Variants in ELF5 observed in about 807,000 individuals in gnomAD.
The protein encoded by ELF5 is E74 like ETS transcription factor 5.
Under a neutral mutation model 38.2 loss-of-function variants are expected in ELF5, and 31 were observed. The ratio of observed to expected loss-of-function variants is 0.81; its 90% CI spans 0.61 to 1.10. The LOEUF is 1.10. Ranked by LOEUF, ELF5 falls within the 50% of genes least tolerant of loss-of-function variation. The pLI is 0.00. For synonymous variants in ELF5, 121 were observed against 112.5 expected (o/e 1.08, Z -0.48); for missense variants, 300 against 306.6 (o/e 0.98, Z 0.16).
At position 34,487,147 on chromosome 11, in the gene ELF5, A is replaced by C. The variant is rs567734113; in HGVS notation, c.406+2862T>G. ...ATCATCAGGGTTGGGGGAGAGCCAG[A>C]GATGGTCCTCAGGGGTCTCGGGGGA... On this transcript the variant is annotated intron_variant, in intron 4 of 6. Coordinates refer to ENST00000257832, the MANE Select transcript of ELF5 (RefSeq NM_001422.4). Among the ~76,000 whole-genome samples the C allele has an allele frequency of 2.6e-5, 4 of 151,646 alleles. No homozygotes were observed. The South Asian group carries it at 8.4e-4, about 32-fold the overall frequency.
chr11:34,501,306 C>T (rs1167421826), intron 2 of ELF5, among the ~76,000 whole-genome samples: 1 of 152,202 alleles, frequency 6.6e-6, no homozygotes, highest in Non-Finnish European at 1.5e-5. Flanking sequence ...TGGGAAACCC[C>T]TAAAGCCTCT....
At chr11:34,481,620 A>G (rs939175639) in intron 5 of ELF5, among the ~76,000 whole-genome samples, 2 of 152,204 alleles carry the variant, frequency 1.3e-5, no homozygotes, top group African/African-American at 4.8e-5. Context: ...GACAGGCAGC[A>G]TGGTTGTACT....
chr11:34,487,693 A>G (rs972110317), intron 4 of ELF5, among the ~76,000 whole-genome samples: 45 of 151,970 alleles, frequency 3.0e-4, no homozygotes, highest in Non-Finnish European at 1.2e-4. Flanking sequence ...TGCTGCTGAG[A>G]CTACTGATGC....
At chr11:34,494,010 G>A (rs1447104866) in intron 2 of ELF5, among the ~76,000 whole-genome samples, 4 of 152,170 alleles carry the variant, frequency 2.6e-5, no homozygotes, top group Non-Finnish European at 5.9e-5. Flanking sequence ...AAAGAAAACA[G>A]CCCTTCAGTT....
At chr11:34,484,377 C>G (rs1041809982) in intron 4 of ELF5, among the ~76,000 whole-genome samples, 11 of 93,678 alleles carry the variant, frequency 1.2e-4, no homozygotes, top group African/African-American at 7.0e-4. Context: ...ACTAACTATA[C>G]TCTACTGTAC....
At chr11:34,483,952 A>G (rs1419278531) in intron 4 of ELF5, among the ~76,000 whole-genome samples, 3 of 151,708 alleles carry the variant, frequency 2.0e-5, no homozygotes, top group Non-Finnish European at 2.9e-5. Flanking sequence ...ATATTGCATT[A>G]CACTGTAGTA....
At chr11:34,504,559 G>C (rs1189913129) in intron 2 of ELF5, among the ~76,000 whole-genome samples, 1 of 152,228 alleles carries the variant, frequency 6.6e-6, no homozygotes, top group African/African-American at 2.4e-5. Context: ...GCAGTCCCTG[G>C]AGGCATGGCC....
At chr11:34,492,834 C>A (rs566584029) in intron 3 of ELF5, 1 of 156,510 alleles carries the variant, frequency 6.4e-6, no homozygotes, top group Non-Finnish European at 1.4e-5. Flanking sequence ...TGTGAATCAG[C>A]CCTGTTTGCT....
chr11:34,492,702 G>A (rs955995483), intron 3 of ELF5: 1 of 152,432 alleles, frequency 6.6e-6, no homozygotes, highest in Non-Finnish European at 1.5e-5. Flanking sequence ...TTGGACAGAT[G>A]AGGCAGTGGG....
intron 3 of ELF5, chr11:34,492,201 T>A (rs1259361584): frequency 1.3e-5 from 2 of 152,268 alleles, no homozygotes; most frequent in East Asian, 3.8e-4. Flanking sequence ...AGGACACAGA[T>A]CCCAGCTCTT....
chr11:34,490,024 C>G lies in ELF5; in HGVS notation c.391G>C (p.Ala131Pro), dbSNP rs1564977520. ...GGTTACTTACAGTCTTTGATGGTGG[C>G]CTTGCTTTCTTCAGCGTCATTAAAA... ...SFFNDAEESK[A>P]TIKDYADSNC... Residue 131 changes from alanine (A) to proline (P), a missense_variant, in exon 4 of 7, where the codon GCC becomes CCC. Ala to Pro is a conservative substitution (Grantham distance 27). Transcript: ENST00000257832. 4 of 1,613,996 alleles carry G rather than the reference C, an allele frequency of 2.5e-6. No homozygotes were observed. The highest frequency in any genetic ancestry group is 3.4e-6 in the Non-Finnish European group (4 of 1,179,954).
At chr11:34,488,183 T>C (rs958121282) in intron 4 of ELF5, among the ~76,000 whole-genome samples, 3 of 152,198 alleles carry the variant, frequency 2.0e-5, no homozygotes, top group Non-Finnish European at 4.4e-5. Flanking sequence ...ATTTGGGTTA[T>C]TTAATATCTC....
chr11:34,488,188 T>C (rs989944474), intron 4 of ELF5, among the ~76,000 whole-genome samples: 1 of 152,172 alleles, frequency 6.6e-6, no homozygotes, highest in African/African-American at 2.4e-5. Context: ...GGTTATTTAA[T>C]ATCTCTACCC....
chr11:34,480,156 A>ATT lies in ELF5; in HGVS notation c.*60_*61dup. 7.3e-7 allele frequency: 1 copy of ATT among 1,361,962 alleles called. No homozygotes were observed. Among genetic ancestry groups the ATT allele is most frequent in the South Asian group, 1.2e-5 (1 of 82,936 alleles). 84.4% of individuals were successfully genotyped at this position (1,361,962 alleles called of 1,614,324 possible). ...AGAAAATGAAGCCTTTCGAATGTCT[A>ATT]TTGCAATCTGATTGTTTTAAAAGAC... is the stretch of plus-strand genomic sequence containing the variant. On this transcript the variant is annotated 3_prime_UTR_variant, in exon 7 of 7. Transcript: ENST00000257832.
Position 34,480,798 on chromosome 11 carries a change from T to C in ELF5, c.645A>G (p.Thr215=), listed in dbSNP as rs2231828. ...TCAGGGCTCTGCTCAACTTTTCATA[T>C]GTCATTCTGTCATTTTTCTTCCTTT... The part of the protein sequence containing the change: ...WGQRKKNDRM[T]YEKLSRALRY... Residue 215 remains threonine (T), a synonymous_variant, in exon 6 of 7, where the codon ACA becomes ACG. Transcript: ENST00000257832. The C allele has an allele frequency of 0.38, 615,140 of 1,613,716 alleles. 127,829 individuals carry two copies. Among genetic ancestry groups the C allele is most frequent in the Non-Finnish European group, 0.42 (500,019 of 1,179,802 alleles).
intron 2 of ELF5, among the ~76,000 whole-genome samples, chr11:34,502,004 T>C (rs934177347): frequency 1.3e-5 from 2 of 152,178 alleles, no homozygotes; most frequent in African/African-American, 4.8e-5. Flanking sequence ...AGTTTTGTTG[T>C]TATTTTTGTT....
intron 4 of ELF5, among the ~76,000 whole-genome samples, chr11:34,484,383 T>C (rs1000170726): frequency 4.0e-5 from 6 of 151,786 alleles, no homozygotes; most frequent in African/African-American, 1.5e-4. Context: ...TATACTCTAC[T>C]GTACTATACT....
rs754925066 is a variant in ELF5 at position 34,505,668 on chromosome 11, T to C, written c.82A>G (p.Ser28Gly). The stretch of plus-strand genomic sequence containing the variant: ...AAGGCAGGGTAGTACTCTTCATTGC[T>C]GAACAGATCAGTCCACGACATCAGG... ...DPLMSWTDLF[S>G]NEEYYPAFEH... The change falls in exon 2 of 7, where the codon AGC becomes GGC. Residue 28 changes from serine (S) to glycine (G), a missense_variant. Coordinates refer to ENST00000257832, the MANE Select transcript of ELF5 (RefSeq NM_001422.4). The C allele has an allele frequency of 6.2e-6, 10 of 1,613,940 alleles. No individual in the cohort carries two copies. The African/African-American group carries it at 6.7e-5, about 11-fold the overall frequency.
chr11:34,483,707 T>G (rs1856994063), intron 4 of ELF5, among the ~76,000 whole-genome samples: 1 of 151,974 alleles, frequency 6.6e-6, no homozygotes, highest in African/African-American at 2.4e-5. Flanking sequence ...TGTACCATGC[T>G]ATATTAACTA....
Sources: allele counts gnomAD v4.1 joint callset (sites outside exome capture counted in the v4.1 genomes callset), GRCh38; gene constraint gnomAD v4.1.1; transcripts MANE v1.5; gene names NCBI Gene and HGNC (gene_info 2026-07-23, HGNC 2026-07-21).